Variants in CDKAL1 observed in about 807,000 individuals in gnomAD.
CDKAL1 encodes threonylcarbamoyladenosine tRNA methylthiotransferase.
A neutral mutation model predicts 68.2 loss-of-function variants in CDKAL1; 32 were observed. That is an observed-to-expected ratio of 0.47 (90% CI 0.35 to 0.63). The LOEUF is 0.63. Ranked by LOEUF, CDKAL1 falls within the 30% of genes least tolerant of loss-of-function variation. CDKAL1 has a pLI of 0.00. For synonymous variants in CDKAL1, 234 were observed against 244.3 expected (o/e 0.96, Z 0.39); for missense variants, 606 against 696.7 (o/e 0.87, Z 1.47).
chr6:20,820,087 T>C (rs979655540), intron 8 of CDKAL1, among the ~76,000 whole-genome samples: 2 of 152,136 alleles, frequency 1.3e-5, no homozygotes, highest in African/African-American at 4.8e-5. Context: ...TCCCTCCAAG[T>C]TCTTGCTTCT....
chr6:20,672,907 G>A (rs1769917282), intron 5 of CDKAL1, among the ~76,000 whole-genome samples: 1 of 152,106 alleles, frequency 6.6e-6, no homozygotes, highest in Non-Finnish European at 1.5e-5. Flanking sequence ...CTCCCGAGTA[G>A]CTGGGATTAC....
chr6:20,646,917 GTAT>G (rs1768493984), intron 4 of CDKAL1, among the ~76,000 whole-genome samples: 2 of 151,874 alleles, frequency 1.3e-5, no homozygotes, highest in African/African-American at 4.8e-5. Context: ...CTAATTTTTT[GTAT>G]TATTAGTAGA....
At chr6:20,641,308 G>T (rs1224173614) in intron 4 of CDKAL1, among the ~76,000 whole-genome samples, 2 of 152,070 alleles carry the variant, frequency 1.3e-5, no homozygotes, top group South Asian at 4.2e-4. Context: ...AGGGAAAAAA[G>T]GGCAATGCAT....
At chr6:20,614,417 C>T (rs1020580027) in intron 4 of CDKAL1, among the ~76,000 whole-genome samples, 1 of 152,160 alleles carries the variant, frequency 6.6e-6, no homozygotes, top group African/African-American at 2.4e-5. Flanking sequence ...TTCCAGCTCT[C>T]CTTCCCCTGG....
rs143272454 is a variant in CDKAL1, at chr6:20,582,121, T to C, written c.286+33416T>C. 5.1e-3 allele frequency among the ~76,000 whole-genome samples: 781 copies of C among 152,336 alleles called. 25 individuals are homozygous for C. The highest frequency in any genetic ancestry group is 0.036 in the Admixed American group (550 of 15,306). On this transcript the variant is annotated intron_variant, in intron 4 of 15. Transcript: ENST00000274695. ...TTATAAGACATTTTATGGAGACCTTTACATTTATATGAAGTAAAATTTAAT... is the reference window on the plus strand; with the variant it reads ...TTATAAGACATTTTATGGAGACCTTCACATTTATATGAAGTAAAATTTAAT...
chr6:20,939,520 G>C (rs933402808), intron 9 of CDKAL1, among the ~76,000 whole-genome samples: 2 of 152,092 alleles, frequency 1.3e-5, no homozygotes, highest in Non-Finnish European at 2.9e-5. Flanking sequence ...ACTTAATAGA[G>C]GTAATAAAGC....
intron 4 of CDKAL1, among the ~76,000 whole-genome samples, chr6:20,613,066 A>G (rs1025634916): frequency 3.1e-5 from 4 of 131,080 alleles, no homozygotes; most frequent in Non-Finnish European, 7.2e-5. Flanking sequence ...ATTTATAAGA[A>G]TAAATGTACA....
chr6:20,636,404 C>G (rs1174564531), intron 4 of CDKAL1, among the ~76,000 whole-genome samples: 1 of 150,494 alleles, frequency 6.6e-6, no homozygotes, highest in Non-Finnish European at 1.5e-5. Flanking sequence ...TTTTTCCTAA[C>G]TAGAACCTGA....
chr6:20,611,800 C>G (rs969270932), intron 4 of CDKAL1, among the ~76,000 whole-genome samples: 2 of 152,054 alleles, frequency 1.3e-5, no homozygotes, highest in Non-Finnish European at 2.9e-5. Context: ...TATATTGTTG[C>G]TGTCTGTAGT....
In CDKAL1 at chr6:21,070,905, G is replaced by A. The variant is rs547863653; in HGVS notation, c.1236+5677G>A. ...GGCTGCTGGAAATGCAGACTCTCAGGCCCCACCCTAGACCTGTTCAGTCAC... is the reference window on the plus strand; with the variant it reads ...GGCTGCTGGAAATGCAGACTCTCAGACCCCACCCTAGACCTGTTCAGTCAC... On this transcript the variant is annotated intron_variant, in intron 12 of 15. Coordinates refer to ENST00000274695, the MANE Select transcript of CDKAL1 (RefSeq NM_017774.3). 9.9e-5 allele frequency among the ~76,000 whole-genome samples: 15 copies of A among 152,202 alleles called. No individual in the cohort carries two copies. The South Asian group carries it at 2.9e-3, about 29-fold the overall frequency.
At chr6:20,930,919 A>AT (rs1488743313) in intron 9 of CDKAL1, among the ~76,000 whole-genome samples, 1 of 151,766 alleles carries the variant, frequency 6.6e-6, no homozygotes, top group East Asian at 1.9e-4. Context: ...TAATTTTTGT[A>AT]TTTTTAGTAG....
At chr6:20,677,375 T>G (rs1436767593) in intron 5 of CDKAL1, among the ~76,000 whole-genome samples, 1 of 152,074 alleles carries the variant, frequency 6.6e-6, no homozygotes, top group Non-Finnish European at 1.5e-5. Context: ...TGGCTAAATT[T>G]GTTTTGTTTT....
rs1340282842 is a variant in CDKAL1 at position 21,231,119 on chromosome 6, A to G, written c.*80A>G. ...CAATGAACAGGAAAGCGACATCTCC[A>G]TTCTCCAAGGGCAATAATTTGTACT... On this transcript the variant is annotated 3_prime_UTR_variant, in exon 16 of 16. Coordinates refer to ENST00000274695, the MANE Select transcript of CDKAL1 (RefSeq NM_017774.3). 2.6e-6 allele frequency: 3 copies of G among 1,142,910 alleles called. No individual in the cohort carries two copies. The highest frequency in any genetic ancestry group is 2.2e-5 in the Admixed American group (1 of 45,930). 70.8% of individuals were successfully genotyped at this position (1,142,910 alleles called of 1,614,324 possible).
At chr6:21,223,848 G>A (rs1278052298) in intron 15 of CDKAL1, among the ~76,000 whole-genome samples, 1 of 152,200 alleles carries the variant, frequency 6.6e-6, no homozygotes, top group Non-Finnish European at 1.5e-5. Flanking sequence ...AGCTAGCTCA[G>A]CAAGTCTGTT....
intron 12 of CDKAL1, among the ~76,000 whole-genome samples, chr6:21,092,068 A>T (rs1773053211): frequency 6.6e-6 from 1 of 150,536 alleles, no homozygotes; most frequent in African/African-American, 2.4e-5. Flanking sequence ...TTGTATTTTT[A>T]GTAGAGACGG....
At chr6:21,038,447 A>G (rs965840959) in intron 11 of CDKAL1, among the ~76,000 whole-genome samples, 1 of 152,248 alleles carries the variant, frequency 6.6e-6, no homozygotes, top group African/African-American at 2.4e-5. Context: ...ATCAGCACAC[A>G]CTATAAACCT....
chr6:20,647,429 G>T (rs10484632), intron 4 of CDKAL1, among the ~76,000 whole-genome samples: 34,965 of 152,010 alleles, frequency 0.23, 4,386 homozygotes, highest in African/African-American at 0.29. Flanking sequence ...TTACCTACTT[G>T]CATATTGTTT....
intron 15 of CDKAL1, among the ~76,000 whole-genome samples, chr6:21,224,880 T>G (rs2151127623): frequency 6.6e-6 from 1 of 152,352 alleles, no homozygotes; most frequent in South Asian, 2.1e-4. Context: ...TATGACTCCT[T>G]GTCCCATTTA....
At chr6:20,578,590 C>T (rs1765008997) in intron 4 of CDKAL1, among the ~76,000 whole-genome samples, 1 of 152,160 alleles carries the variant, frequency 6.6e-6, no homozygotes, top group African/African-American at 2.4e-5. Flanking sequence ...TTGAGTAGTG[C>T]TTTTTTAAGA....
Sources: gnomAD v4.1 joint callset for allele counts (sites outside exome capture counted in the v4.1 genomes callset) on GRCh38, gnomAD v4.1.1 for gene constraint, MANE v1.5 for transcripts, NCBI Gene and HGNC (gene_info 2026-07-23, HGNC 2026-07-21) for gene names.